The following CDK5RAP2 variants were observed in gnomAD, a reference collection of about 807,000 sequenced individuals.
CDK5RAP2 encodes the protein CDK5 regulatory subunit-associated protein 2.
In CDK5RAP2, 147 loss-of-function variants were observed where a neutral mutation model predicts 232.9. The ratio of observed to expected loss-of-function variants is 0.63; its 90% CI spans 0.55 to 0.72. The LOEUF is 0.72. Ranked by LOEUF, CDK5RAP2 falls within the 30% of genes least tolerant of loss-of-function variation. The pLI is 0.00. For missense variants in CDK5RAP2, 2,195 were observed against 2,231.5 expected (o/e 0.98, Z 0.33); for synonymous variants, 833 against 833.7 (o/e 1.00, Z 0.01).
At chr9:120,507,433 G>T (rs2039865555) in intron 12 of CDK5RAP2, among the ~76,000 whole-genome samples, 1 of 152,062 alleles carries the variant, frequency 6.6e-6, no homozygotes, top group African/African-American at 2.4e-5. Context: ...TTGAAACCAG[G>T]TCTACCTGCA....
chr9:120,457,620 A>C (rs2036853215), intron 20 of CDK5RAP2, among the ~76,000 whole-genome samples: 1 of 152,208 alleles, frequency 6.6e-6, no homozygotes, highest in Admixed American at 6.5e-5. Flanking sequence ...TAGCTGAAGA[A>C]ATGCCTGTAA....
chr9:120,507,134 C>T (rs962237862), intron 12 of CDK5RAP2, among the ~76,000 whole-genome samples: 1 of 152,220 alleles, frequency 6.6e-6, no homozygotes, highest in East Asian at 1.9e-4. Flanking sequence ...GCTGAAGGTT[C>T]TGATGATCAT....
At chr9:120,437,658 G>T in intron 24 of CDK5RAP2, 131 bp from the exon 25 acceptor site, 1 of 692,488 alleles carries the variant, frequency 1.4e-6, no homozygotes. Context: ...TATACTTTTA[G>T]AAAAATTGAA....
chr9:120,455,349 G>A (rs996966968), intron 20 of CDK5RAP2, among the ~76,000 whole-genome samples: 9 of 138,756 alleles, frequency 6.5e-5, no homozygotes, highest in Non-Finnish European at 1.1e-4. Flanking sequence ...GGGAAGAAAC[G>A]AAGAGTCCTG....
chr9:120,500,558 G>A (rs2039527208), intron 12 of CDK5RAP2, among the ~76,000 whole-genome samples: 1 of 152,188 alleles, frequency 6.6e-6, no homozygotes, highest in African/African-American at 2.4e-5. Context: ...TGCCAATCAT[G>A]CTTCTATATA....
chr9:120,557,763 A>T (rs1237337383), intron 3 of CDK5RAP2, among the ~76,000 whole-genome samples: 1 of 145,674 alleles, frequency 6.9e-6, no homozygotes, highest in East Asian at 2.2e-4. Context: ...TCTGTCAAAA[A>T]AAAACTTTTT....
intron 35 of CDK5RAP2, among the ~76,000 whole-genome samples, chr9:120,397,566 GAAAAAAGA>G (rs1564165405): frequency 1.9e-4 from 18 of 94,254 alleles, no homozygotes; most frequent in African/African-American, 6.5e-4. Context: ...AAAAAAAAAA[GAAAAAAGA>G]AAAAAAAAAA....
chr9:120,572,041 A>G lies in CDK5RAP2; in HGVS notation c.60T>C (p.Ser20=), dbSNP rs1287915822. ...CATCTGGTACACTGGGAACAAGGCCACTAGGAGAGAACACATGAGATAAGA... is the reference window on the plus strand; with the variant it reads ...CATCTGGTACACTGGGAACAAGGCCGCTAGGAGAGAACACATGAGATAAGA... ...VTVPGTLSGC[S]GLVPSVPDDL... is the part of the protein sequence containing the mutation. The change falls in exon 2 of 38, where the codon AGT becomes AGC. Residue 20 remains serine, a splice_region_variant and synonymous_variant. Coordinates refer to ENST00000349780, the MANE Select transcript of CDK5RAP2 (RefSeq NM_018249.6). 1 of 1,611,310 alleles carries G rather than the reference A, an allele frequency of 6.2e-7. No individual in the cohort carries two copies. The highest frequency in any genetic ancestry group is 8.5e-7 in the Non-Finnish European group (1 of 1,177,500).
At chr9:120,447,763 A>G in intron 22 of CDK5RAP2, 132 bp downstream of exon 22, 1 of 779,398 alleles carries the variant, frequency 1.3e-6, no homozygotes, top group South Asian at 1.4e-5. Context: ...TCAAGAGTCA[A>G]GATTAATCAC....
rs2040291957 is a variant in CDK5RAP2 at position 120,515,491 on chromosome 9, G to A, written c.1311+2936C>T. ...ATAAAACTTTCAGGAGTTACGTATT[G>A]TAATTCCATCAGTATCTAAACCAGA... On this transcript the variant is annotated intron_variant, in intron 12 of 37. Coordinates refer to ENST00000349780, the MANE Select transcript of CDK5RAP2 (RefSeq NM_018249.6). Among the ~76,000 whole-genome samples, 3 of 152,158 alleles carry A rather than the reference G, an allele frequency of 2.0e-5. No individual in the cohort carries two copies. The South Asian group carries it at 6.2e-4, about 32-fold the overall frequency.
chr9:120,430,151 A>G (rs2035191434), intron 25 of CDK5RAP2, among the ~76,000 whole-genome samples: 1 of 152,154 alleles, frequency 6.6e-6, no homozygotes, highest in Non-Finnish European at 1.5e-5. Flanking sequence ...CTAAAACCAT[A>G]AAAACCCTAG....
intron 12 of CDK5RAP2, among the ~76,000 whole-genome samples, chr9:120,515,241 A>G (rs1473875173): frequency 6.6e-6 from 1 of 152,228 alleles, no homozygotes; most frequent in African/African-American, 2.4e-5. Context: ...ATGCAGCTCT[A>G]TAAATGGACC....
In CDK5RAP2 at chr9:120,453,778, T is replaced by A. The variant is rs1588379600; in HGVS notation, c.2471A>T (p.Glu824Val). The A allele has an allele frequency of 6.2e-7, 1 of 1,614,212 alleles. No homozygotes were observed. The highest frequency in any genetic ancestry group is 1.6e-4 in the Middle Eastern group (1 of 6,062). ...TTCACCTTTTTGCTTAGGTGTCTTC[T>A]CAGTTTTACCATCAAGGTGTTCTCC... ...VSGEHLDGKT[E>V]KTPKQKGELV... Residue 824 changes from glutamate (E) to valine (V), a missense_variant, in exon 21 of 38, where the codon GAG (glutamate) becomes GTG (valine). Coordinates refer to ENST00000349780, the MANE Select transcript of CDK5RAP2 (RefSeq NM_018249.6).
chr9:120,503,472 GATGGCATGTCTTGCCTGAGTACAACA>G (rs2039670422), intron 12 of CDK5RAP2, among the ~76,000 whole-genome samples: 1 of 152,180 alleles, frequency 6.6e-6, no homozygotes, highest in South Asian at 2.1e-4. Flanking sequence ...GAGGCATGGA[GATGGCATGTCTTGCCTGAGTACAACA>G]ATCAGAACTG....
chr9:120,525,018 C>A lies in CDK5RAP2; in HGVS notation c.1060G>T (p.Ala354Ser). ...TCCTGGGTCTGTGCTTTCTGTAGGGCCTCTCTGGCTTTAGCAAAGGCAGCA... is the reference window on the plus strand; with the variant it reads ...TCCTGGGTCTGTGCTTTCTGTAGGGACTCTCTGGCTTTAGCAAAGGCAGCA... ...LSAAFAKARE[A>S]LQKAQTQEFQ... Residue 354 changes from alanine to serine, a missense_variant, in exon 11 of 38, where the codon GCC becomes TCC. Coordinates refer to ENST00000349780, the MANE Select transcript of CDK5RAP2 (RefSeq NM_018249.6). 1 of 1,614,068 alleles carries A rather than the reference C, an allele frequency of 6.2e-7. No homozygotes were observed. The highest frequency in any genetic ancestry group is 8.5e-7 in the Non-Finnish European group (1 of 1,179,928).
intron 26 of CDK5RAP2, among the ~76,000 whole-genome samples, chr9:120,420,666 T>C (rs1588288009): frequency 2.6e-5 from 4 of 152,234 alleles, no homozygotes; most frequent in Admixed American, 2.6e-4. Context: ...TGCTCTTTTT[T>C]TCTCCCACGT....
intron 34 of CDK5RAP2, among the ~76,000 whole-genome samples, chr9:120,401,847 G>A (rs1299426564): frequency 4.6e-5 from 7 of 151,926 alleles, no homozygotes; most frequent in Non-Finnish European, 1.0e-4. Flanking sequence ...AGCCGGGCAT[G>A]GTGGCAGGCG....
intron 20 of CDK5RAP2, 65 bp downstream of exon 20, chr9:120,458,385 A>G: frequency 6.8e-7 from 1 of 1,480,766 alleles, no homozygotes; most frequent in South Asian, 1.1e-5. Context: ...AAACCCATTT[A>G]GCAAAATGAG....
At chr9:120,535,061 G>T (rs2041324913) in intron 7 of CDK5RAP2, among the ~76,000 whole-genome samples, 1 of 152,222 alleles carries the variant, frequency 6.6e-6, no homozygotes, top group African/African-American at 2.4e-5. Flanking sequence ...GGTGTCAAAT[G>T]GGTAAACTGA....
Sources: gnomAD v4.1 joint callset for allele counts (sites outside exome capture counted in the v4.1 genomes callset) on GRCh38, gnomAD v4.1.1 for gene constraint, MANE v1.5 for transcripts, NCBI Gene and HGNC (gene_info 2026-07-23, HGNC 2026-07-21) for gene names.